LYRM4: variants seen among roughly 807,000 people sequenced by gnomAD.
LYRM4 encodes the protein LYR motif-containing protein 4.
Under a neutral mutation model 11.7 loss-of-function variants are expected in LYRM4, and 9 were observed. That is an observed-to-expected ratio of 0.77 (90% confidence interval 0.46 to 1.34). The LOEUF is 1.34. Among genes scored for constraint, LYRM4 ranks in the 40% most tolerant of loss-of-function variants. The probability of loss-of-function intolerance (pLI) is 0.00; values close to 1 mark genes in which losing one functional copy is unlikely to be tolerated. For missense variants in LYRM4, 133 were observed against 112.5 expected (o/e 1.18, Z -0.82); for synonymous variants, 42 against 40.4 (o/e 1.04, Z -0.15).
At chr6:5,232,696 TAA>T (rs1763311045) in intron 1 of LYRM4, among the ~76,000 whole-genome samples, 1 of 152,230 alleles carries the variant, frequency 6.6e-6, no homozygotes, top group Non-Finnish European at 1.5e-5. Flanking sequence ...ATTTTAGCAC[TAA>T]AAACCTCAGG....
chr6:5,216,883 G>T (rs1762303818), intron 1 of LYRM4, 145 bp from the exon 2 acceptor site: 3 of 968,216 alleles, frequency 3.1e-6, no homozygotes, highest in Non-Finnish European at 4.5e-6. Flanking sequence ...TCGTGGCGCA[G>T]GCTGATCCAC....
downstream of LYRM4, chr6:5,105,040 T>A (rs903197529): frequency 7.2e-5 from 11 of 152,248 alleles, no homozygotes; most frequent in African/African-American, 2.7e-4. Context: ...TTTGTCTGCC[T>A]ACTCTTTGGT....
rs1376654214 is a variant in LYRM4, at chr6:5,109,092, A to G, written c.*331T>C. The G allele has an allele frequency of 9.2e-7, 1 of 1,090,024 alleles. No individual in the cohort carries two copies. The highest frequency in any genetic ancestry group is 5.8e-5 in the East Asian group (1 of 17,164). 67.5% of individuals were successfully genotyped at this position (1,090,024 alleles called of 1,614,324 possible). A position where few individuals can be genotyped will look rare whatever the true frequency, so the allele number is the denominator to read the frequency against. Reference sequence around the variant, plus strand: ...AAGGCTCAGGGAGATCATTCTTTTTATTGCCAAGGACCAAGAAACAAAGTG... The same window carrying G: ...AAGGCTCAGGGAGATCATTCTTTTTGTTGCCAAGGACCAAGAAACAAAGTG... On this transcript the variant is annotated 3_prime_UTR_variant, in exon 3 of 3. Coordinates refer to ENST00000330636, the MANE Select transcript of LYRM4 (RefSeq NM_020408.6).
At chr6:5,208,682 CACA>C (rs1761834258) in intron 2 of LYRM4, among the ~76,000 whole-genome samples, 2 of 152,308 alleles carry the variant, frequency 1.3e-5, no homozygotes, top group South Asian at 4.1e-4. Flanking sequence ...ACATTCCTTC[CACA>C]GGAACGCCAA....
chr6:5,117,102 A>C (rs755679614), intron 2 of LYRM4, among the ~76,000 whole-genome samples: 4 of 152,234 alleles, frequency 2.6e-5, no homozygotes, highest in Non-Finnish European at 4.4e-5. Flanking sequence ...CTAGATATGA[A>C]GAAAATCTAC....
intron 2 of LYRM4, among the ~76,000 whole-genome samples, chr6:5,172,741 T>C (rs1461729461): frequency 7.2e-5 from 11 of 152,232 alleles, no homozygotes; most frequent in Non-Finnish European, 1.6e-4. Flanking sequence ...GCATTAATTC[T>C]AAAGAGACAC....
At chr6:5,191,855 T>C (rs1760773265) in intron 2 of LYRM4, among the ~76,000 whole-genome samples, 1 of 152,208 alleles carries the variant, frequency 6.6e-6, no homozygotes, top group African/African-American at 2.4e-5. Context: ...ATTATGGGCC[T>C]CCTGATGTGG....
At chr6:5,236,838 C>A (rs970356422) in intron 1 of LYRM4, among the ~76,000 whole-genome samples, 2 of 151,368 alleles carry the variant, frequency 1.3e-5, no homozygotes, top group African/African-American at 4.9e-5. Context: ...ATGCCTGTAG[C>A]CCCAGCTATT....
At chr6:5,211,257 G>A (rs1314305080) in intron 2 of LYRM4, among the ~76,000 whole-genome samples, 1 of 152,148 alleles carries the variant, frequency 6.6e-6, no homozygotes, top group Non-Finnish European at 1.5e-5. Context: ...GGATATTGCA[G>A]TGACTGACAA....
chr6:5,149,973 A>G (rs1757996042), intron 2 of LYRM4, among the ~76,000 whole-genome samples: 1 of 152,114 alleles, frequency 6.6e-6, no homozygotes, highest in South Asian at 2.1e-4. Context: ...TAAATGTAAC[A>G]AAGGGCAAAC....
intron 2 of LYRM4, among the ~76,000 whole-genome samples, chr6:5,125,828 C>T (rs1403311655): frequency 6.6e-6 from 1 of 152,250 alleles, no homozygotes; most frequent in African/African-American, 2.4e-5. Flanking sequence ...ATCCCACAAA[C>T]TCAGCCTGCA....
chr6:5,052,127 G>A, the LYRM4 span, among the ~76,000 whole-genome samples: 2 of 152,148 alleles, frequency 1.3e-5, no homozygotes, highest in African/African-American at 4.8e-5. Context: ...CAAGAAGGGA[G>A]TTCTTTAGGT....
chr6:5,085,670 A>T, the LYRM4 span: 2 of 1,548,434 alleles, frequency 1.3e-6, no homozygotes, highest in East Asian at 4.9e-5. Context: ...CTGTCCCCGA[A>T]GGAAGAGGCC....
intron 1 of LYRM4, among the ~76,000 whole-genome samples, chr6:5,226,898 C>G (rs1762926716): frequency 6.6e-6 from 1 of 151,672 alleles, no homozygotes; most frequent in African/African-American, 2.4e-5. Flanking sequence ...TAATATACCA[C>G]AATAAGGAAA....
chr6:5,061,594 C>A, the LYRM4 span, among the ~76,000 whole-genome samples: 1 of 152,196 alleles, frequency 6.6e-6, no homozygotes, highest in Admixed American at 6.5e-5. Context: ...TGGCTAGGGG[C>A]TATGGGGTTG....
chr6:5,039,961 A>G, the LYRM4 span, among the ~76,000 whole-genome samples: 10 of 152,264 alleles, frequency 6.6e-5, no homozygotes, highest in Non-Finnish European at 1.3e-4. Flanking sequence ...GTGTGGACAC[A>G]TATCTGTGAC....
chr6:5,203,757 C>G (rs1269809748), intron 2 of LYRM4, among the ~76,000 whole-genome samples: 2 of 152,198 alleles, frequency 1.3e-5, no homozygotes, highest in Non-Finnish European at 2.9e-5. Flanking sequence ...GAGCCTGCAG[C>G]TGGGCAGGGC....
At chr6:5,070,156 G>A in the LYRM4 span, among the ~76,000 whole-genome samples, 1 of 152,236 alleles carries the variant, frequency 6.6e-6, no homozygotes, top group Admixed American at 6.5e-5. Flanking sequence ...CAGTGGCATT[G>A]AGGTTTAATC....
chr6:5,159,534 G>T (rs1284583891), intron 2 of LYRM4, among the ~76,000 whole-genome samples: 1 of 152,140 alleles, frequency 6.6e-6, no homozygotes, highest in Non-Finnish European at 1.5e-5. Flanking sequence ...AGTAGCTTTT[G>T]AACAAAAGTA....
Sources: gnomAD v4.1 joint callset for allele counts (sites outside exome capture counted in the v4.1 genomes callset) on GRCh38, gnomAD v4.1.1 for gene constraint, MANE v1.5 for transcripts, NCBI Gene and HGNC (gene_info 2026-07-23, HGNC 2026-07-21) for gene names.